The following ELAPOR2 variants were observed in gnomAD, a reference collection of about 807,000 sequenced individuals.
ELAPOR2 encodes endosome/lysosome-associated apoptosis and autophagy regulator family member 2.
Under a neutral mutation model 120.7 loss-of-function variants are expected in ELAPOR2, and 89 were observed. The ratio of observed to expected loss-of-function variants is 0.74; its 90% CI spans 0.62 to 0.88. ELAPOR2 has a LOEUF of 0.88. ELAPOR2 is among the 40% of genes least tolerant of loss of function. The pLI, the probability that ELAPOR2 is intolerant of heterozygous loss-of-function variation, is 0.00. For missense variants in ELAPOR2, 1,134 were observed against 1,251.6 expected (o/e 0.91, Z 1.42); for synonymous variants, 444 against 444.9 (o/e 1.00, Z 0.03).
chr7:87,046,693 C>A (rs1383367193), intron 1 of ELAPOR2, among the ~76,000 whole-genome samples: 1 of 152,166 alleles, frequency 6.6e-6, no homozygotes, highest in Admixed American at 6.5e-5. Context: ...TTTGGAAGTT[C>A]CTCCTTCACT....
chr7:87,028,874 A>T (rs183754134), intron 1 of ELAPOR2, among the ~76,000 whole-genome samples: 19 of 152,022 alleles, frequency 1.2e-4, no homozygotes, highest in African/African-American at 4.3e-4. Flanking sequence ...CGTCCCTCTC[A>T]CTCTGCTCAA....
chr7:87,011,249 C>CAAAAAAAAAA (rs772971682), intron 1 of ELAPOR2, among the ~76,000 whole-genome samples: 1 of 52,962 alleles, frequency 1.9e-5, no homozygotes, highest in Non-Finnish European at 4.4e-5. Flanking sequence ...GACTCCATCT[C>CAAAAAAAAAA]AAAAAAAAAA....
At position 86,926,777 on chromosome 7, in the gene ELAPOR2, CAAG is replaced by C; in HGVS notation, c.1226_1228del (p.Ser409del). ...AAATGTTCCAGGAGGACAGGGATGG[CAAG>C]AAGATGATCCATTGTTATAAAATCC... is the stretch of plus-strand genomic sequence containing the variant. On this transcript the variant is annotated inframe_deletion, in exon 9 of 22. Transcript: ENST00000450689. 1.2e-6 allele frequency: 2 copies of C among 1,611,622 alleles called. No individual in the cohort carries two copies. The highest frequency in any genetic ancestry group is 8.5e-7 in the Non-Finnish European group (1 of 1,178,708).
chr7:86,985,539 C>T (rs182088941), intron 1 of ELAPOR2, among the ~76,000 whole-genome samples: 18 of 152,274 alleles, frequency 1.2e-4, no homozygotes, highest in South Asian at 4.1e-4. Context: ...GTTCAACATA[C>T]GCAAATCAAT....
intron 1 of ELAPOR2, among the ~76,000 whole-genome samples, chr7:86,982,308 G>A (rs1422071699): frequency 1.3e-5 from 2 of 152,234 alleles, no homozygotes; most frequent in African/African-American, 4.8e-5. Flanking sequence ...AGAGAACAGT[G>A]GTTCTCCCAG....
At chr7:86,951,565 A>C (rs1251290266) in intron 2 of ELAPOR2, among the ~76,000 whole-genome samples, 1 of 152,224 alleles carries the variant, frequency 6.6e-6, no homozygotes, top group Non-Finnish European at 1.5e-5. Context: ...AAGTGAATAT[A>C]ATGGATATTT....
chr7:86,939,634 T>C (rs1319371783), intron 6 of ELAPOR2, among the ~76,000 whole-genome samples: 2 of 152,086 alleles, frequency 1.3e-5, no homozygotes, highest in Non-Finnish European at 2.9e-5. Flanking sequence ...TTATTGTTAT[T>C]TTTATGGATA....
chr7:86,889,464 G>T (rs1424344192), intron 21 of ELAPOR2, among the ~76,000 whole-genome samples: 1 of 151,294 alleles, frequency 6.6e-6, no homozygotes, highest in African/African-American at 2.4e-5. Context: ...CTATAATACT[G>T]GTTTTGTTTT....
chr7:86,969,003 A>T (rs561502891), intron 1 of ELAPOR2, among the ~76,000 whole-genome samples: 2 of 152,322 alleles, frequency 1.3e-5, no homozygotes, highest in East Asian at 3.9e-4. Flanking sequence ...ACCAGGAAAC[A>T]TCCCAAGAAG....
chr7:86,930,436 C>T (rs553863005), intron 8 of ELAPOR2, among the ~76,000 whole-genome samples: 2 of 152,010 alleles, frequency 1.3e-5, no homozygotes, highest in South Asian at 4.1e-4. Flanking sequence ...AAAGGCAGAT[C>T]TAAAAACTGA....
intron 11 of ELAPOR2, 85 bp from the exon 12 acceptor site, chr7:86,918,629 T>A (rs532372541): frequency 2.4e-6 from 2 of 840,984 alleles, no homozygotes; most frequent in Admixed American, 2.0e-5. Context: ...TTTATTAAAC[T>A]AAAAGCCATG....
intron 1 of ELAPOR2, among the ~76,000 whole-genome samples, chr7:87,025,109 T>C (rs1006796884): frequency 3.9e-5 from 6 of 152,026 alleles, no homozygotes; most frequent in Non-Finnish European, 7.4e-5. Flanking sequence ...CTATGGTCCC[T>C]AAACCTTGTC....
chr7:86,926,846 G>A lies in ELAPOR2; in HGVS notation c.1160C>T (p.Pro387Leu). ...ACAATCCTTCTTCTCTCCAGAAGGG[G>A]GCAATCTAATAGCATCTGTGAGATC... Reference protein sequence around the residue: ...REDLTDAIRLPPSGEKKDCPP... With the variant: ...REDLTDAIRLLPSGEKKDCPP... The change falls in exon 9 of 22, where the codon CCC (proline) becomes CTC (leucine). Residue 387 changes from proline to leucine, a missense_variant. Pro to Leu is a moderately conservative substitution (Grantham distance 98, BLOSUM62 -3). Coordinates refer to ENST00000450689, the MANE Select transcript of ELAPOR2 (RefSeq NM_001142749.3). 2 of 1,609,038 alleles carry A rather than the reference G, an allele frequency of 1.2e-6. No individual in the cohort carries two copies. Among genetic ancestry groups the A allele is most frequent in the Non-Finnish European group, 1.7e-6 (2 of 1,178,278 alleles).
chr7:86,908,326 A>T (rs2116041013), intron 17 of ELAPOR2, 121 bp downstream of exon 17: 1 of 582,782 alleles, frequency 1.7e-6, no homozygotes, highest in Middle Eastern at 3.2e-4. Flanking sequence ...CTCTGCCATA[A>T]GAACTCACAT....
chr7:87,019,759 AC>A (rs967749297), intron 1 of ELAPOR2, among the ~76,000 whole-genome samples: 2 of 152,178 alleles, frequency 1.3e-5, no homozygotes, highest in African/African-American at 4.8e-5. Flanking sequence ...AAAAGTACAC[AC>A]TTATTGACAA....
intron 1 of ELAPOR2, among the ~76,000 whole-genome samples, chr7:87,009,321 T>C (rs1197344142): frequency 6.6e-6 from 1 of 152,128 alleles, no homozygotes; most frequent in Non-Finnish European, 1.5e-5. Flanking sequence ...AAGATTTCAA[T>C]ATACATAATA....
At chr7:86,913,886 A>C (rs181562299) in intron 13 of ELAPOR2, among the ~76,000 whole-genome samples, 16 of 152,312 alleles carry the variant, frequency 1.1e-4, no homozygotes, top group African/African-American at 3.6e-4. Flanking sequence ...GTGTTACTCC[A>C]GACTACTTAA....
At chr7:87,040,410 G>A (rs900531698) in intron 1 of ELAPOR2, among the ~76,000 whole-genome samples, 4 of 152,194 alleles carry the variant, frequency 2.6e-5, no homozygotes, top group Non-Finnish European at 4.4e-5. Context: ...CTCCCAGCAC[G>A]CAGCTGGAGA....
intron 17 of ELAPOR2, 77 bp downstream of exon 17, chr7:86,908,370 A>G: frequency 1.4e-6 from 1 of 738,268 alleles, no homozygotes; most frequent in Admixed American, 2.6e-5. Flanking sequence ...AATTATAAAT[A>G]TATGAGTATT....
Sources: allele counts gnomAD v4.1 joint callset (sites outside exome capture counted in the v4.1 genomes callset), GRCh38; gene constraint gnomAD v4.1.1; transcripts MANE v1.5; gene names NCBI Gene and HGNC (gene_info 2026-07-23, HGNC 2026-07-21).